WASF3: variants seen among roughly 807,000 people sequenced by gnomAD.
WASF3 encodes actin-binding protein WASF3.
A neutral mutation model predicts 46.6 loss-of-function variants in WASF3; 11 were observed. The ratio of observed to expected loss-of-function variants is 0.24; its 90% confidence interval spans 0.15 to 0.39. WASF3 has a LOEUF of 0.39. Ranked by LOEUF, WASF3 falls within the 10% of genes least tolerant of loss-of-function variation. WASF3 has a pLI of 1.00. For synonymous variants in WASF3, 242 were observed against 259.7 expected (o/e 0.93, Z 0.65); for missense variants, 576 against 669.8 (o/e 0.86, Z 1.55).
chr13:26,668,609 G>A (rs1882840289), intron 5 of WASF3, among the ~76,000 whole-genome samples: 1 of 152,228 alleles, frequency 6.6e-6, no homozygotes, highest in Admixed American at 6.5e-5. Context: ...AATTTTTCTT[G>A]GTCCTAATTC....
chr13:26,602,760 A>T (rs1002827742), intron 1 of WASF3, among the ~76,000 whole-genome samples: 4 of 152,212 alleles, frequency 2.6e-5, no homozygotes, highest in African/African-American at 9.7e-5. Flanking sequence ...TGGAGTATTT[A>T]AAAATTGTCA....
At chr13:26,553,313 A>T (rs955616672), upstream of WASF3, among the ~76,000 whole-genome samples, 5 of 152,168 alleles carry the variant, frequency 3.3e-5, no homozygotes, top group Non-Finnish European at 4.4e-5. Context: ...AGGTTGGTCA[A>T]ATATTTACAG....
chr13:26,641,620 T>G (rs1160662062), intron 2 of WASF3, among the ~76,000 whole-genome samples: 1 of 151,914 alleles, frequency 6.6e-6, no homozygotes, highest in East Asian at 1.9e-4. Context: ...TAGGGAGAGA[T>G]AAGGAAGAGG....
chr13:26,613,940 T>C (rs1026272246), intron 2 of WASF3, among the ~76,000 whole-genome samples: 3 of 152,200 alleles, frequency 2.0e-5, no homozygotes, highest in African/African-American at 7.2e-5. Flanking sequence ...CAATGAGACA[T>C]AGCAGACTAG....
intron 2 of WASF3, among the ~76,000 whole-genome samples, chr13:26,625,250 A>G (rs1393486873): frequency 1.3e-5 from 2 of 152,192 alleles, no homozygotes; most frequent in African/African-American, 4.8e-5. Context: ...AGAGAAATAG[A>G]ACATATAGGA....
chr13:26,616,565 C>G (rs1009620668), intron 2 of WASF3, among the ~76,000 whole-genome samples: 1 of 151,914 alleles, frequency 6.6e-6, no homozygotes, highest in Admixed American at 6.6e-5. Context: ...CCTTTTTACC[C>G]CAGAATGAAA....
intron 3 of WASF3, among the ~76,000 whole-genome samples, chr13:26,662,281 G>A (rs1179212978): frequency 6.6e-6 from 1 of 152,184 alleles, no homozygotes; most frequent in African/African-American, 2.4e-5. Flanking sequence ...CTACCATTCC[G>A]TCCAGCAATT....
chr13:26,546,980 C>CTTA, the WASF3 span, among the ~76,000 whole-genome samples: 2 of 152,148 alleles, frequency 1.3e-5, no homozygotes, highest in Non-Finnish European at 2.9e-5. Context: ...ATGTCTGAAG[C>CTTA]CTCCTATCTG....
chr13:26,656,708 A>G (rs1311219682), intron 3 of WASF3, among the ~76,000 whole-genome samples: 1 of 152,096 alleles, frequency 6.6e-6, no homozygotes, highest in Non-Finnish European at 1.5e-5. Flanking sequence ...ATATACAAAT[A>G]TATCCCAATT....
chr13:26,585,602 A>C (rs1031093415), intron 1 of WASF3, among the ~76,000 whole-genome samples: 6 of 152,138 alleles, frequency 3.9e-5, no homozygotes, highest in Non-Finnish European at 5.9e-5. Flanking sequence ...TCTTCATCTC[A>C]GGTTTGGCAT....
chr13:26,672,251 T>C (rs557594270), intron 6 of WASF3, among the ~76,000 whole-genome samples: 4 of 152,336 alleles, frequency 2.6e-5, no homozygotes, highest in African/African-American at 9.6e-5. Context: ...TTTTAGTAAC[T>C]CCTCTCCTGC....
At chr13:26,549,272 G>A in the WASF3 span, among the ~76,000 whole-genome samples, 3,112 of 152,110 alleles carry the variant, frequency 0.02, 37 homozygotes, top group Middle Eastern at 0.041. Flanking sequence ...GAGCCACTGC[G>A]CCTAGCCAAT....
At chr13:26,597,520 T>C (rs1171431252) in intron 1 of WASF3, among the ~76,000 whole-genome samples, 1 of 152,160 alleles carries the variant, frequency 6.6e-6, no homozygotes, top group Non-Finnish European at 1.5e-5. Flanking sequence ...TTAGGGTACA[T>C]GTGCACAACG....
chr13:26,615,070 A>C (rs536645771), intron 2 of WASF3, among the ~76,000 whole-genome samples: 1 of 152,056 alleles, frequency 6.6e-6, no homozygotes, highest in Admixed American at 6.5e-5. Context: ...TATTATGCCC[A>C]TCAGAGGTGG....
At chr13:26,680,883 ATGT>A (rs1883204605) in intron 7 of WASF3, among the ~76,000 whole-genome samples, 168 bp from the exon 8 acceptor site, 1 of 152,272 alleles carries the variant, frequency 6.6e-6, no homozygotes, top group East Asian at 1.9e-4. Context: ...TATAATAATT[ATGT>A]TGTTGCTTGG....
At chr13:26,625,196 G>A (rs1469736194) in intron 2 of WASF3, among the ~76,000 whole-genome samples, 1 of 152,136 alleles carries the variant, frequency 6.6e-6, no homozygotes, top group African/African-American at 2.4e-5. Flanking sequence ...GACAAAGCAT[G>A]GAAGAAGAAA....
the WASF3 span, among the ~76,000 whole-genome samples, chr13:26,547,659 A>G: frequency 1.3e-5 from 2 of 152,168 alleles, no homozygotes; most frequent in African/African-American, 4.8e-5. Flanking sequence ...TGCTGAAGAT[A>G]CTTCTCCCGG....
chr13:26,604,323 G>A (rs1880729414), intron 1 of WASF3, among the ~76,000 whole-genome samples: 1 of 152,134 alleles, frequency 6.6e-6, no homozygotes, highest in African/African-American at 2.4e-5. Context: ...CAGTTGCAAT[G>A]GGGAGCCTGT....
At chr13:26,650,774 C>G (rs1452423440) in intron 3 of WASF3, among the ~76,000 whole-genome samples, 1 of 152,002 alleles carries the variant, frequency 6.6e-6, no homozygotes, top group Admixed American at 6.6e-5. Context: ...AGACAGGACC[C>G]AGCAGAAGTG....
Sources: allele counts gnomAD v4.1 joint callset (sites outside exome capture counted in the v4.1 genomes callset), GRCh38; gene constraint gnomAD v4.1.1; transcripts MANE v1.5; gene names NCBI Gene and HGNC (gene_info 2026-07-23, HGNC 2026-07-21).